ANKS1B: variants seen among roughly 807,000 people sequenced by gnomAD.
The protein encoded by ANKS1B is ankyrin repeat and sterile alpha motif domain-containing protein 1B.
In ANKS1B, 36 loss-of-function variants were observed where a neutral mutation model predicts 148.3. The observed-to-expected ratio is 0.24, with a 90% CI of 0.19 to 0.32. The LOEUF (loss-of-function observed/expected upper bound fraction) is 0.32. ANKS1B is among the 10% of genes least tolerant of loss of function. ANKS1B has a pLI of 1.00. For missense variants in ANKS1B, 1,157 were observed against 1,542.6 expected (o/e 0.75, Z 4.19); for synonymous variants, 542 against 560.8 (o/e 0.97, Z 0.47).
intron 9 of ANKS1B, among the ~76,000 whole-genome samples, chr12:99,613,134 T>C (rs2097916215): frequency 6.6e-6 from 1 of 152,134 alleles, no homozygotes; most frequent in African/African-American, 2.4e-5. Context: ...AGGCTAATCT[T>C]CAAGTAATTT....
At chr12:99,729,941 A>G (rs1286718361) in intron 8 of ANKS1B, among the ~76,000 whole-genome samples, 2 of 152,222 alleles carry the variant, frequency 1.3e-5, no homozygotes, top group Non-Finnish European at 1.5e-5. Context: ...ATATGACACA[A>G]ATATGACTAT....
At chr12:99,022,170 G>A (rs908275706) in intron 17 of ANKS1B, among the ~76,000 whole-genome samples, 35 of 152,082 alleles carry the variant, frequency 2.3e-4, no homozygotes, top group African/African-American at 8.0e-4. Context: ...GCCATGTGAC[G>A]GACTGAATTC....
chr12:99,983,030 C>A (rs893514025), intron 1 of ANKS1B, among the ~76,000 whole-genome samples: 4 of 152,178 alleles, frequency 2.6e-5, no homozygotes, highest in Non-Finnish European at 5.9e-5. Context: ...TCAAGGGTAG[C>A]ATGGAACAGT....
intron 14 of ANKS1B, among the ~76,000 whole-genome samples, chr12:99,241,646 T>C (rs2089350473): frequency 6.6e-6 from 1 of 152,212 alleles, no homozygotes; most frequent in Non-Finnish European, 1.5e-5. Flanking sequence ...GTGAAAATCC[T>C]CAGTAAAATA....
chr12:99,193,860 G>A (rs938604006), intron 14 of ANKS1B, among the ~76,000 whole-genome samples: 3 of 130,002 alleles, frequency 2.3e-5, no homozygotes, highest in Admixed American at 9.6e-5. Context: ...GGAGTGCAGT[G>A]GTGCGATCTT....
chr12:99,326,393 A>T (rs998008521), intron 12 of ANKS1B, among the ~76,000 whole-genome samples: 1 of 152,100 alleles, frequency 6.6e-6, no homozygotes, highest in African/African-American at 2.4e-5. Context: ...GTACTCCTCC[A>T]CCACAACAAT....
intron 10 of ANKS1B, among the ~76,000 whole-genome samples, chr12:99,445,954 C>A (rs2095631015): frequency 6.6e-6 from 1 of 151,952 alleles, no homozygotes; most frequent in Non-Finnish European, 1.5e-5. Flanking sequence ...AACTCCTGAG[C>A]TGTAGTGATC....
At chr12:99,675,006 T>C (rs940802184) in intron 8 of ANKS1B, among the ~76,000 whole-genome samples, 5 of 151,982 alleles carry the variant, frequency 3.3e-5, no homozygotes, top group Admixed American at 2.0e-4. Flanking sequence ...ATACAAAATA[T>C]GTTTAACTAC....
intron 9 of ANKS1B, among the ~76,000 whole-genome samples, chr12:99,591,101 G>A (rs1046999850): frequency 2.0e-5 from 3 of 151,716 alleles, no homozygotes; most frequent in African/African-American, 7.3e-5. Context: ...TACCCAGTAT[G>A]CTGTATTTTA....
intron 8 of ANKS1B, among the ~76,000 whole-genome samples, chr12:99,753,663 C>T (rs886718028): frequency 2.0e-5 from 3 of 151,186 alleles, no homozygotes; most frequent in African/African-American, 7.3e-5. Flanking sequence ...CCTATGAGGA[C>T]AGAGTCAAAT....
At chr12:99,588,223 T>C (rs1427980198) in intron 9 of ANKS1B, among the ~76,000 whole-genome samples, 2 of 151,944 alleles carry the variant, frequency 1.3e-5, no homozygotes, top group East Asian at 3.8e-4. Flanking sequence ...CTAAACACTC[T>C]TAGAATTAAT....
Position 98,745,290 on chromosome 12 carries a change from G to T in ANKS1B, c.*449C>A. 1.0e-6 allele frequency: 1 copy of T among 985,642 alleles called. No individual in the cohort carries two copies. The allele number at this position is 985,642 out of a possible 1,614,324, so 61.1% of individuals were successfully genotyped here. ...ATGATTTTACAGATGCTTTGGAGGT[G>T]GGAGGGGTAGTGCTGCTCTGATTTC... On this transcript the variant is annotated 3_prime_UTR_variant, in exon 27 of 27. Transcript: ENST00000683438.
chr12:99,384,037 A>G (rs2093758488), intron 12 of ANKS1B, among the ~76,000 whole-genome samples: 1 of 152,058 alleles, frequency 6.6e-6, no homozygotes, highest in Admixed American at 6.6e-5. Context: ...TCAAAATAAG[A>G]GAGAAATTGC....
intron 12 of ANKS1B, among the ~76,000 whole-genome samples, chr12:99,372,615 C>T (rs1012951816): frequency 5.3e-5 from 8 of 152,090 alleles, no homozygotes; most frequent in Admixed American, 4.6e-4. Context: ...GTTTGTCATA[C>T]ATAGAAAAAT....
chr12:99,337,496 G>C (rs1382546075), intron 12 of ANKS1B, among the ~76,000 whole-genome samples: 1 of 152,002 alleles, frequency 6.6e-6, no homozygotes, highest in Non-Finnish European at 1.5e-5. Flanking sequence ...GATGCTCACT[G>C]GTATCTTATT....
At chr12:99,595,952 A>G (rs750122372) in intron 9 of ANKS1B, among the ~76,000 whole-genome samples, 1 of 151,878 alleles carries the variant, frequency 6.6e-6, no homozygotes, top group African/African-American at 2.4e-5. Context: ...TGTGATATCA[A>G]TTTAAATAGA....
At chr12:99,467,506 T>C (rs1015913593) in intron 10 of ANKS1B, among the ~76,000 whole-genome samples, 3 of 152,192 alleles carry the variant, frequency 2.0e-5, no homozygotes, top group Non-Finnish European at 4.4e-5. Context: ...ATTGTCCCTG[T>C]TCGCAGATGA....
In ANKS1B at chr12:99,407,135, T is replaced by C. The variant is rs989378206; in HGVS notation, c.1576-7324A>G. Among the ~76,000 whole-genome samples the C allele has an allele frequency of 2.5e-4, 37 of 145,512 alleles. 2 individuals carry two copies. Among genetic ancestry groups the C allele is most frequent in the Non-Finnish European group, 1.1e-4 (7 of 65,924 alleles). ...GTTGATGCAAAAATTCTCAACAAAA[T>C]ACTAGCAAACCAAATTCAACACCAC... On this transcript the variant is annotated intron_variant, in intron 11 of 26. Coordinates refer to ENST00000683438, the MANE Select transcript of ANKS1B (RefSeq NM_001352186.2).
intron 10 of ANKS1B, among the ~76,000 whole-genome samples, chr12:99,463,661 C>A (rs955891953): frequency 6.6e-6 from 1 of 152,212 alleles, no homozygotes; most frequent in Non-Finnish European, 1.5e-5. Flanking sequence ...CTCGGAGGGT[C>A]CTACGCCCAC....
Sources: allele counts gnomAD v4.1 joint callset (sites outside exome capture counted in the v4.1 genomes callset), GRCh38; gene constraint gnomAD v4.1.1; transcripts MANE v1.5; gene names NCBI Gene and HGNC (gene_info 2026-07-23, HGNC 2026-07-21).